DGKB: variants seen among roughly 807,000 people sequenced by gnomAD.
DGKB encodes 90 kDa diacylglycerol kinase.
DGKB carries 67 observed loss-of-function variants against 114.3 expected under a neutral mutation model. The ratio of observed to expected loss-of-function variants is 0.59; its 90% CI spans 0.48 to 0.72. The LOEUF (loss-of-function observed/expected upper bound fraction) is 0.72. Among genes scored for constraint, DGKB ranks in the 30% least tolerant of loss-of-function variants. The probability of loss-of-function intolerance (pLI) is 0.00; values close to 1 mark genes in which losing one functional copy is unlikely to be tolerated. For synonymous variants in DGKB, 398 were observed against 323.1 expected (o/e 1.23, Z -2.49); for missense variants, 907 against 975.2 (o/e 0.93, Z 0.93).
rs529470097 is a variant in DGKB at position 14,330,839 on chromosome 7, C to G, written c.2122+7676G>C. Among the ~76,000 whole-genome samples the G allele has an allele frequency of 2.0e-5, 3 of 152,000 alleles. No individual in the cohort carries two copies. In the South Asian group the frequency reaches 6.2e-4, roughly 32 times the overall value. On this transcript the variant is annotated intron_variant, in intron 23 of 25. Transcript: ENST00000402815. ...ATGACAAATAGAAATTTCATTAATG[C>G]TTCTCGATAATGCATGTGCTTTTAT...
chr7:14,753,032 C>T (rs1834338764), intron 4 of DGKB, among the ~76,000 whole-genome samples: 1 of 152,142 alleles, frequency 6.6e-6, no homozygotes, highest in Non-Finnish European at 1.5e-5. Flanking sequence ...TGCCATGTTA[C>T]CAATGTCTCT....
At chr7:14,428,067 C>A (rs1479707510) in intron 21 of DGKB, among the ~76,000 whole-genome samples, 2 of 151,310 alleles carry the variant, frequency 1.3e-5, no homozygotes, top group African/African-American at 4.9e-5. Flanking sequence ...ATTGAATATT[C>A]AATAAAAAAT....
chr7:14,237,710 T>C (rs367745974), intron 23 of DGKB, among the ~76,000 whole-genome samples: 1 of 152,168 alleles, frequency 6.6e-6, no homozygotes, highest in Non-Finnish European at 1.5e-5. Flanking sequence ...ACCTAAGATA[T>C]GCAACAAGAT....
chr7:14,267,676 A>G (rs1797713412), intron 23 of DGKB, among the ~76,000 whole-genome samples: 1 of 151,890 alleles, frequency 6.6e-6, no homozygotes, highest in Non-Finnish European at 1.5e-5. Flanking sequence ...TTTTTAGCAG[A>G]GACGGGGTTT....
At chr7:14,160,544 TA>T in intron 25 of DGKB, among the ~76,000 whole-genome samples, 1 of 152,124 alleles carries the variant, frequency 6.6e-6, no homozygotes, top group African/African-American at 2.4e-5. Context: ...TACCTAGGAA[TA>T]CGACTTACTT....
Position 14,339,118 on chromosome 7 carries a change from T to C in DGKB, c.1927-408A>G, listed in dbSNP as rs534728145. Among the ~76,000 whole-genome samples, 93 of 151,820 alleles carry C rather than the reference T, an allele frequency of 6.1e-4. 1 individual carries two copies. The highest frequency in any genetic ancestry group is 1.1e-3 in the Non-Finnish European group (75 of 67,908). On this transcript the variant is annotated intron_variant, in intron 22 of 25. Transcript: ENST00000402815. ...CCCCTGTTTAGAACACACTGCAAGGTACTATTGGGGGAAAGTACAGAAAGC... is the reference window on the plus strand; with the variant it reads ...CCCCTGTTTAGAACACACTGCAAGGCACTATTGGGGGAAAGTACAGAAAGC...
At chr7:14,565,531 T>G (rs1797266286) in intron 20 of DGKB, among the ~76,000 whole-genome samples, 1 of 152,140 alleles carries the variant, frequency 6.6e-6, no homozygotes, top group Non-Finnish European at 1.5e-5. Context: ...GCCCTGAAAT[T>G]TCCACTATGA....
chr7:14,919,095 A>ACACACAAAC (rs1554345122), intron 1 of DGKB, among the ~76,000 whole-genome samples: 6 of 114,922 alleles, frequency 5.2e-5, no homozygotes, highest in South Asian at 3.3e-4. Context: ...CACACACACA[A>ACACACAAAC]ACACACACAC....
chr7:14,335,614 CG>C (rs1810510662), intron 23 of DGKB, among the ~76,000 whole-genome samples: 1 of 152,114 alleles, frequency 6.6e-6, no homozygotes, highest in Admixed American at 6.5e-5. Flanking sequence ...AGGTTAAAAA[CG>C]TGTTGGACTA....
chr7:14,759,941 T>C (rs1239448463), intron 2 of DGKB, among the ~76,000 whole-genome samples: 2 of 152,214 alleles, frequency 1.3e-5, no homozygotes, highest in Non-Finnish European at 2.9e-5. Flanking sequence ...ACCCTTTTTT[T>C]GTTACAGCCA....
intron 2 of DGKB, among the ~76,000 whole-genome samples, chr7:14,803,136 C>T (rs1842389187): frequency 6.6e-6 from 1 of 151,320 alleles, no homozygotes; most frequent in South Asian, 2.1e-4. Context: ...GAGACAGGAT[C>T]TTATTATGTT....
chr7:14,482,990 T>C (rs1015786068), intron 20 of DGKB, among the ~76,000 whole-genome samples: 9 of 152,220 alleles, frequency 5.9e-5, no homozygotes, highest in African/African-American at 1.7e-4. Context: ...TTTAATCATC[T>C]GTGAAATGTT....
intron 1 of DGKB, among the ~76,000 whole-genome samples, chr7:14,889,717 G>A (rs1436813643): frequency 6.6e-6 from 1 of 151,496 alleles, no homozygotes; most frequent in African/African-American, 2.4e-5. Context: ...AGTAGAAATG[G>A]AAAGGAAAAG....
At chr7:14,369,634 C>A (rs1354379591) in intron 21 of DGKB, among the ~76,000 whole-genome samples, 1 of 152,166 alleles carries the variant, frequency 6.6e-6, no homozygotes, top group East Asian at 1.9e-4. Context: ...GAGATGGTAT[C>A]CCATTGTGGT....
At chr7:14,547,407 T>A (rs1194461109) in intron 20 of DGKB, among the ~76,000 whole-genome samples, 12 of 152,182 alleles carry the variant, frequency 7.9e-5, no homozygotes, top group Non-Finnish European at 1.6e-4. Flanking sequence ...ATTATGATAA[T>A]ATGACTAAAG....
intron 1 of DGKB, among the ~76,000 whole-genome samples, chr7:14,938,543 C>A (rs1399479982): frequency 6.6e-6 from 1 of 152,008 alleles, no homozygotes. Flanking sequence ...TGTCTGGGAC[C>A]ACATTTTATC....
At chr7:14,180,021 A>G (rs2128248714) in intron 23 of DGKB, among the ~76,000 whole-genome samples, 1 of 152,272 alleles carries the variant, frequency 6.6e-6, no homozygotes, top group East Asian at 1.9e-4. Context: ...CTGGGTGTTA[A>G]TATACGCATT....
chr7:14,397,317 G>C (rs1008360971), intron 21 of DGKB, among the ~76,000 whole-genome samples: 2 of 152,080 alleles, frequency 1.3e-5, no homozygotes, highest in Admixed American at 6.6e-5. Context: ...CTGTTTAAGC[G>C]TAGTGGTTGG....
Position 14,649,637 on chromosome 7 carries a change from A to G in DGKB, c.1135-19369T>C, listed in dbSNP as rs571660551. Reference sequence around the variant, plus strand: ...ATCATAATGACAGGATCAAATTCACACATAACACTATTAACTTTAAATGTA... The same window carrying G: ...ATCATAATGACAGGATCAAATTCACGCATAACACTATTAACTTTAAATGTA... On this transcript the variant is annotated intron_variant, in intron 13 of 25. Transcript: ENST00000402815. Among the ~76,000 whole-genome samples the G allele has an allele frequency of 8.8e-3, 1,329 of 150,628 alleles. 21 individuals are homozygous for G. Among genetic ancestry groups the G allele is most frequent in the African/African-American group, 0.031 (1,252 of 40,728 alleles).
Sources: gnomAD v4.1 joint callset for allele counts (sites outside exome capture counted in the v4.1 genomes callset) on GRCh38, gnomAD v4.1.1 for gene constraint, MANE v1.5 for transcripts, NCBI Gene and HGNC (gene_info 2026-07-23, HGNC 2026-07-21) for gene names.